NTSR1: variants seen among roughly 807,000 people sequenced by gnomAD.
The protein encoded by NTSR1 is neurotensin receptor type 1.
A neutral mutation model predicts 31.2 loss-of-function variants in NTSR1; 29 were observed. That is an observed-to-expected ratio of 0.93 (90% CI 0.69 to 1.27). The LOEUF (loss-of-function observed/expected upper bound fraction) is 1.27, where lower values mean the gene tolerates loss of function less well. Ranked by LOEUF, NTSR1 falls within the 50% of genes most tolerant of loss-of-function variation. The pLI is 0.00. For synonymous variants in NTSR1, 282 were observed against 269.9 expected (o/e 1.04, Z -0.44); for missense variants, 697 against 595.4 (o/e 1.17, Z -1.78).
At chr20:62,735,996 C>T (rs996394916) in intron 1 of NTSR1, among the ~76,000 whole-genome samples, 1 of 152,240 alleles carries the variant, frequency 6.6e-6, no homozygotes, top group Admixed American at 6.5e-5. Flanking sequence ...TTACAAAGAA[C>T]AAATTTCCGA....
At position 62,714,307 on chromosome 20, in the gene NTSR1, C is replaced by T. The variant is rs1025179328; in HGVS notation, c.714+4386C>T. On this transcript the variant is annotated intron_variant, in intron 1 of 3. Transcript: ENST00000370501. The surrounding 1 kb of genome is among the most constrained non-coding windows in gnomAD (Gnocchi z 4.1). ...AGTCACACACTTCCTCCAGTCTGAG[C>T]CCATGACCCTTTAGAGGAAAGGAAT... 6.6e-6 allele frequency among the ~76,000 whole-genome samples: 1 copy of T among 152,210 alleles called. No individual in the cohort carries two copies. Among genetic ancestry groups the T allele is most frequent in the African/African-American group, 2.4e-5 (1 of 41,450 alleles).
intron 1 of NTSR1, among the ~76,000 whole-genome samples, chr20:62,735,703 G>A (rs2147140255): frequency 1.3e-5 from 2 of 152,324 alleles, no homozygotes; most frequent in African/African-American, 4.8e-5. Context: ...GGTAACACGG[G>A]AGTCCCCCCG....
At chr20:62,748,649 G>T (rs776411304) in intron 1 of NTSR1, among the ~76,000 whole-genome samples, 26 of 152,158 alleles carry the variant, frequency 1.7e-4, no homozygotes, top group Non-Finnish European at 3.4e-4. Flanking sequence ...TTGACAAGGT[G>T]CTATGGTTTG....
rs749314736 is a variant in NTSR1 at position 62,709,423 on chromosome 20, G to A, written c.216G>A (p.Ala72=). The A allele has an allele frequency of 1.2e-6, 2 of 1,611,910 alleles. No homozygotes were observed. Among genetic ancestry groups the A allele is most frequent in the South Asian group, 1.1e-5 (1 of 91,012 alleles). ...TGCTGGTGACCGCCGTGTACCTGGC[G>A]CTCTTCGTGGTGGGCACGGTGGGCA... ...SKVLVTAVYL[A]LFVVGTVGNT... Residue 72 remains alanine, a synonymous_variant, in exon 1 of 4, where the codon GCG becomes GCA. Transcript: ENST00000370501.
intron 2 of NTSR1, among the ~76,000 whole-genome samples, chr20:62,756,252 G>A (rs777459992): frequency 9.9e-5 from 15 of 152,206 alleles, no homozygotes; most frequent in Non-Finnish European, 2.1e-4. Flanking sequence ...GTGGCATCCT[G>A]CAAGTCCCAA....
intron 1 of NTSR1, among the ~76,000 whole-genome samples, chr20:62,713,240 G>A (rs1165273469): frequency 6.6e-6 from 1 of 152,196 alleles, no homozygotes; most frequent in East Asian, 1.9e-4. Context: ...TTTTCTGAAA[G>A]CCTTCTTCAT....
At chr20:62,726,553 C>T (rs899730299) in intron 1 of NTSR1, among the ~76,000 whole-genome samples, 2 of 152,172 alleles carry the variant, frequency 1.3e-5, no homozygotes, top group African/African-American at 4.8e-5. Flanking sequence ...CTGAGATTGC[C>T]TGGGCATGCT....
At chr20:62,712,485 C>T (rs1215027845) in intron 1 of NTSR1, among the ~76,000 whole-genome samples, 1 of 152,254 alleles carries the variant, frequency 6.6e-6, no homozygotes, top group African/African-American at 2.4e-5. Flanking sequence ...TCAGTGATAA[C>T]ACTTTGGAGC....
In NTSR1 at chr20:62,715,690, G is replaced by A. The variant is rs1988702712; in HGVS notation, c.714+5769G>A. On this transcript the variant is annotated intron_variant, in intron 1 of 3. Transcript: ENST00000370501. The surrounding 1 kb of genome is among the most constrained non-coding windows in gnomAD (Gnocchi z 4.7). ...GCATTCTGAGGATGTTCAACTCCAA[G>A]GACAAATGGGGTCCTGGGGCTGTGC... is the stretch of plus-strand genomic sequence containing the variant. Among the ~76,000 whole-genome samples the A allele has an allele frequency of 6.6e-6, 1 of 152,236 alleles. No homozygotes were observed. Among genetic ancestry groups the A allele is most frequent in the Non-Finnish European group, 1.5e-5 (1 of 68,042 alleles).
chr20:62,738,026 C>T (rs1378811068), intron 1 of NTSR1, among the ~76,000 whole-genome samples: 1 of 152,232 alleles, frequency 6.6e-6, no homozygotes, highest in East Asian at 1.9e-4. Flanking sequence ...CCGCAACAGC[C>T]GCATCCCTTT....
chr20:62,724,406 G>A (rs1424886036), intron 1 of NTSR1, among the ~76,000 whole-genome samples: 1 of 148,940 alleles, frequency 6.7e-6, no homozygotes, highest in African/African-American at 2.5e-5. Context: ...CCACAGACTA[G>A]AAGCGGGTAA....
At chr20:62,748,635 A>T (rs997670862) in intron 1 of NTSR1, among the ~76,000 whole-genome samples, 1 of 152,188 alleles carries the variant, frequency 6.6e-6, no homozygotes, top group African/African-American at 2.4e-5. Flanking sequence ...CAGTCAAATC[A>T]TCTTTGACAA....
In NTSR1 at chr20:62,709,964, C is replaced by G. The variant is rs763531210; in HGVS notation, c.714+43C>G. 8.2e-5 allele frequency: 119 copies of G among 1,453,966 alleles called. No individual in the cohort carries two copies. In the African/African-American group the frequency reaches 1.5e-3, roughly 18 times the overall value. 90.1% of individuals were successfully genotyped at this position (1,453,966 alleles called of 1,614,324 possible). ...GCCCCGGGGCTCCCCTCTCCTTCAC[C>G]CCAAAAGCAGTGCCAGTGGTGTGCC... is the stretch of plus-strand genomic sequence containing the variant. On this transcript the variant is annotated intron_variant, in intron 1 of 3. Coordinates refer to ENST00000370501, the MANE Select transcript of NTSR1 (RefSeq NM_002531.3).
chr20:62,716,276 C>A (rs1273972428), intron 1 of NTSR1, among the ~76,000 whole-genome samples: 1 of 152,130 alleles, frequency 6.6e-6, no homozygotes, highest in Non-Finnish European at 1.5e-5. Flanking sequence ...TCTCAGGCCT[C>A]CCCTGGGTCT....
Position 62,754,670 on chromosome 20 carries a change from C to G in NTSR1, c.715-15C>G. On this transcript the variant is annotated splice_polypyrimidine_tract_variant and intron_variant, in intron 1 of 3. Coordinates refer to ENST00000370501, the MANE Select transcript of NTSR1 (RefSeq NM_002531.3). ...CGCTGCTGGCTCTGACAGCCTCGCC[C>G]TTCCTCTCCTGCAGGTCAACACCTT... 3 of 1,608,852 alleles carry G rather than the reference C, an allele frequency of 1.9e-6. No homozygotes were observed. The highest frequency in any genetic ancestry group is 2.2e-5 in the South Asian group (2 of 91,016).
rs1373243168 is a variant in NTSR1 at position 62,745,525 on chromosome 20, G to A, written c.715-9160G>A. ...AGACACAGGAAAACAGTGAAAGACA[G>A]AGACACAGAGGAAAACACACAGATA... On this transcript the variant is annotated intron_variant, in intron 1 of 3. Coordinates refer to ENST00000370501, the MANE Select transcript of NTSR1 (RefSeq NM_002531.3). This position sits in a 1 kb window ranked among gnomAD's most constrained non-coding sequence, Gnocchi z 4.1. Among the ~76,000 whole-genome samples the A allele has an allele frequency of 6.6e-6, 1 of 152,190 alleles. No individual in the cohort carries two copies. Among genetic ancestry groups the A allele is most frequent in the East Asian group, 1.9e-4 (1 of 5,180 alleles).
chr20:62,733,717 CAAAG>C lies in NTSR1; in HGVS notation c.715-20966_715-20963del, dbSNP rs992664613. ...AGAGAGAGAAACAGAGGGAGAAACA[CAAAG>C]AGAGGGAGAGAAGGAGAGAGAGACA... is the stretch of plus-strand genomic sequence containing the variant. On this transcript the variant is annotated intron_variant, in intron 1 of 3. Transcript: ENST00000370501. This position sits in a 1 kb window ranked among gnomAD's most constrained non-coding sequence, Gnocchi z 5.2. 7.4e-5 allele frequency among the ~76,000 whole-genome samples: 11 copies of C among 147,906 alleles called. No homozygotes were observed. Among genetic ancestry groups the C allele is most frequent in the African/African-American group, 2.8e-4 (11 of 39,778 alleles).
In NTSR1 at chr20:62,711,932, C is replaced by T. The variant is rs1393093925; in HGVS notation, c.714+2011C>T. Among the ~76,000 whole-genome samples the T allele has an allele frequency of 6.6e-6, 1 of 152,238 alleles. No homozygotes were observed. Among genetic ancestry groups the T allele is most frequent in the Non-Finnish European group, 1.5e-5 (1 of 68,042 alleles). On this transcript the variant is annotated intron_variant, in intron 1 of 3. Coordinates refer to ENST00000370501, the MANE Select transcript of NTSR1 (RefSeq NM_002531.3). This position sits in a 1 kb window ranked among gnomAD's most constrained non-coding sequence, Gnocchi z 6.4. Reference sequence around the variant, plus strand: ...CGTATCAACCGTAGGACAGCGGCCCCACGCCCTGCAGACGCCATGCTGGCC... The same window carrying T: ...CGTATCAACCGTAGGACAGCGGCCCTACGCCCTGCAGACGCCATGCTGGCC...
In NTSR1 at chr20:62,758,929, C is replaced by T. The variant is rs1045260876; in HGVS notation, c.1007+573C>T. Among the ~76,000 whole-genome samples, 8 of 152,198 alleles carry T rather than the reference C, an allele frequency of 5.3e-5. No homozygotes were observed. The highest frequency in any genetic ancestry group is 1.9e-4 in the African/African-American group (8 of 41,448). On this transcript the variant is annotated intron_variant, in intron 3 of 3. Transcript: ENST00000370501. The surrounding 1 kb of genome is among the most constrained non-coding windows in gnomAD (Gnocchi z 4.5). ...GGGCCGATCACAGGGGCACCCACTG[C>T]CTGGCAAAACCCCTACTGTTTGCAC...
Sources: gnomAD v4.1 joint callset for allele counts (sites outside exome capture counted in the v4.1 genomes callset) on GRCh38, gnomAD v4.1.1 for gene constraint, Gnocchi (gnomAD v3.1) non-coding constraint, MANE v1.5 for transcripts, NCBI Gene and HGNC (gene_info 2026-07-23, HGNC 2026-07-21) for gene names.